Variants in WWP2 observed in about 807,000 individuals in gnomAD.
WWP2 encodes WW domain containing E3 ubiquitin protein ligase 2.
A neutral mutation model predicts 121.0 loss-of-function variants in WWP2; 57 were observed. That is an observed-to-expected ratio of 0.47 (90% confidence interval 0.38 to 0.59). WWP2 has a LOEUF of 0.59. WWP2 is among the 20% of genes least tolerant of loss of function. The pLI, the probability that WWP2 is intolerant of heterozygous loss-of-function variation, is 0.00. For synonymous variants in WWP2, 449 were observed against 441.3 expected, an observed-to-expected ratio of 1.02 and a Z score of -0.22; for missense variants, 962 against 1,158.9, an observed-to-expected ratio of 0.83 and a Z score of 2.47.
At chr16:69,822,628 G>A (rs2056612816) in intron 4 of WWP2, among the ~76,000 whole-genome samples, 1 of 151,972 alleles carries the variant, frequency 6.6e-6, no homozygotes, top group Non-Finnish European at 1.5e-5. Context: ...ACCAGAAAGA[G>A]AAAAAGGAAT....
intron 8 of WWP2, among the ~76,000 whole-genome samples, chr16:69,904,436 A>C (rs1304709862): frequency 6.6e-6 from 1 of 150,852 alleles, no homozygotes; most frequent in African/African-American, 2.4e-5. Flanking sequence ...AGGTGTGATC[A>C]CGGCTCACTG....
At chr16:69,878,708 T>C (rs1017052717) in intron 7 of WWP2, among the ~76,000 whole-genome samples, 1 of 152,184 alleles carries the variant, frequency 6.6e-6, no homozygotes, top group Non-Finnish European at 1.5e-5. Context: ...TCTTTGCTTT[T>C]TAAAAGTGAC....
chr16:69,870,790 G>A (rs1278459538), intron 6 of WWP2, among the ~76,000 whole-genome samples: 2 of 152,204 alleles, frequency 1.3e-5, no homozygotes, highest in East Asian at 1.9e-4. Context: ...CAGATGAACC[G>A]AAGGACAGGG....
At position 69,842,133 on chromosome 16, in the gene WWP2, T is replaced by A. The variant is rs753514813; in HGVS notation, c.575+13T>A. 1.2e-6 allele frequency: 2 copies of A among 1,610,088 alleles called. No individual in the cohort carries two copies. Among genetic ancestry groups the A allele is most frequent in the Non-Finnish European group, 1.7e-6 (2 of 1,177,938 alleles). ...GTGGAAGATCCCGGTAAGACCCCCC[T>A]TGGTGAGGACAAAGAGCTAAGAAGT... On this transcript the variant is annotated intron_variant, in intron 6 of 23. Transcript: ENST00000359154.
At chr16:69,905,685 C>A (rs2058278606) in intron 8 of WWP2, among the ~76,000 whole-genome samples, 1 of 152,214 alleles carries the variant, frequency 6.6e-6, no homozygotes, top group South Asian at 2.1e-4. Flanking sequence ...TCATCTTGAT[C>A]CTACCTCAAT....
chr16:69,868,656 C>T (rs1004862987), intron 6 of WWP2, among the ~76,000 whole-genome samples: 3 of 112,330 alleles, frequency 2.7e-5, no homozygotes, highest in African/African-American at 1.2e-4. Context: ...AACACATACA[C>T]ATGTGCACAC....
At chr16:69,792,372 G>C (rs951308159) in intron 2 of WWP2, among the ~76,000 whole-genome samples, 1 of 152,174 alleles carries the variant, frequency 6.6e-6, no homozygotes, top group South Asian at 2.1e-4. Flanking sequence ...AGCTTTTTCA[G>C]TGTATAATTT....
Position 69,937,743 on chromosome 16 carries a change from A to G in WWP2, c.2343+91A>G. ...GGAGGCCTCACGCGCAAGGACCTTC[A>G]GCTTTGGCCCTGTCCTTGCCTCCCA... On this transcript the variant is annotated intron_variant, in intron 21 of 23. Coordinates refer to ENST00000359154, the MANE Select transcript of WWP2 (RefSeq NM_001270454.2). This position sits in a 1 kb window ranked among gnomAD's most constrained non-coding sequence, Gnocchi z 6.6. 7.8e-7 allele frequency: 1 copy of G among 1,279,546 alleles called. No homozygotes were observed. The highest frequency in any genetic ancestry group is 1.1e-6 in the Non-Finnish European group (1 of 902,458). The allele number at this position is 1,279,546 out of a possible 1,614,324, so 79.3% of individuals were successfully genotyped here.
chr16:69,901,241 T>C (rs1310497963), intron 8 of WWP2, among the ~76,000 whole-genome samples: 1 of 152,192 alleles, frequency 6.6e-6, no homozygotes, highest in African/African-American at 2.4e-5. Flanking sequence ...TATAGGAGCA[T>C]AGAATACAAA....
At chr16:69,765,768 G>A (rs1567650899) in intron 1 of WWP2, among the ~76,000 whole-genome samples, 2 of 152,122 alleles carry the variant, frequency 1.3e-5, no homozygotes, top group South Asian at 2.1e-4. Context: ...AGGTTGCAGT[G>A]AACCAAGATC....
At chr16:69,861,351 A>G (rs564869819) in intron 6 of WWP2, among the ~76,000 whole-genome samples, 53 of 152,230 alleles carry the variant, frequency 3.5e-4, no homozygotes, top group African/African-American at 1.3e-3. Context: ...CATTTACTAT[A>G]CCTTCTCTCT....
chr16:69,763,771 G>C (rs1290046550), intron 1 of WWP2, among the ~76,000 whole-genome samples: 3 of 152,228 alleles, frequency 2.0e-5, no homozygotes, highest in Non-Finnish European at 2.9e-5. Context: ...TGCTAGCCTA[G>C]TGCCTGGCAT....
At chr16:69,933,225 A>C (rs1339087327) in intron 16 of WWP2, 1 of 448,896 alleles carries the variant, frequency 2.2e-6, no homozygotes, top group Admixed American at 2.4e-5. Flanking sequence ...CAAACAGCCC[A>C]GCAGCTGGGG....
chr16:69,772,124 G>A (rs777993465), intron 1 of WWP2, among the ~76,000 whole-genome samples: 166 of 151,504 alleles, frequency 1.1e-3, no homozygotes, highest in Non-Finnish European at 3.5e-4. Flanking sequence ...ACTACACCTG[G>A]CTAATTTTGT....
At chr16:69,828,410 A>G (rs1216006127) in intron 4 of WWP2, among the ~76,000 whole-genome samples, 1 of 152,104 alleles carries the variant, frequency 6.6e-6, no homozygotes, top group East Asian at 1.9e-4. Context: ...CTTGTTGCCC[A>G]GGCTGGAGTA....
intron 8 of WWP2, among the ~76,000 whole-genome samples, chr16:69,898,280 G>A (rs1011980123): frequency 1.3e-5 from 2 of 152,034 alleles, no homozygotes; most frequent in South Asian, 2.1e-4. Context: ...TGCCCACCTC[G>A]GCCTCCCAAA....
chr16:69,909,793 A>G (rs1379955355), intron 9 of WWP2: 2 of 733,878 alleles, frequency 2.7e-6, no homozygotes, highest in African/African-American at 3.8e-5. Flanking sequence ...AATTTCAAAT[A>G]GATATAGAGA....
At chr16:69,922,428 G>T (rs986534686) in intron 10 of WWP2, among the ~76,000 whole-genome samples, 3 of 152,170 alleles carry the variant, frequency 2.0e-5, no homozygotes, top group Non-Finnish European at 4.4e-5. Context: ...TCTGGCTCAT[G>T]GCCTGCACCC....
At chr16:69,800,789 T>C (rs927265284) in intron 4 of WWP2, among the ~76,000 whole-genome samples, 2 of 151,432 alleles carry the variant, frequency 1.3e-5, no homozygotes, top group South Asian at 4.2e-4. Flanking sequence ...GGTCTTGAAC[T>C]CCTGACCTCA....
Sources: gnomAD v4.1 joint callset for allele counts (sites outside exome capture counted in the v4.1 genomes callset) on GRCh38, gnomAD v4.1.1 for gene constraint, Gnocchi (gnomAD v3.1) non-coding constraint, MANE v1.5 for transcripts, NCBI Gene and HGNC (gene_info 2026-07-23, HGNC 2026-07-21) for gene names.